ZNF385D: variants seen among roughly 807,000 people sequenced by gnomAD.
The protein encoded by ZNF385D is zinc finger protein 385D.
ZNF385D carries 15 observed loss-of-function variants against 35.8 expected under a neutral mutation model. That is an observed-to-expected ratio of 0.42 (90% confidence interval 0.28 to 0.64). ZNF385D has a LOEUF of 0.64. ZNF385D is among the 30% of genes least tolerant of loss of function. The pLI is 0.23. For synonymous variants in ZNF385D, 212 were observed against 186.8 expected (o/e 1.13, Z -1.10); for missense variants, 474 against 494.6 (o/e 0.96, Z 0.39).
At chr3:21,497,171 C>G (rs1216248120) in intron 4 of ZNF385D, among the ~76,000 whole-genome samples, 5 of 152,106 alleles carry the variant, frequency 3.3e-5, no homozygotes, top group African/African-American at 4.8e-5. Context: ...TGCCCAAAAG[C>G]TCCTAGATCT....
chr3:21,770,359 C>G (rs1171187500), intron 3 of ZNF385D, among the ~76,000 whole-genome samples: 1 of 152,032 alleles, frequency 6.6e-6, no homozygotes, highest in African/African-American at 2.4e-5. Context: ...GGCTAATATC[C>G]AGAATCTACA....
chr3:21,994,197 T>G (rs1695322311), intron 3 of ZNF385D, among the ~76,000 whole-genome samples: 1 of 152,166 alleles, frequency 6.6e-6, no homozygotes, highest in East Asian at 1.9e-4. Flanking sequence ...TAGGCTTTGG[T>G]GTTAGTTGGG....
Position 22,295,002 on chromosome 3 carries a change from CAT to C in ZNF385D, c.106+77446_106+77447del, listed in dbSNP as rs1243064660. On this transcript the variant is annotated intron_variant, in intron 2 of 5. Coordinates refer to the ZNF385D transcript ENST00000494108. ...ATCTATTTATACACACACTCACACA[CAT>C]GTTTCACTCTAGGATTATAATTGGC... 4.2e-3 allele frequency among the ~76,000 whole-genome samples: 634 copies of C among 152,206 alleles called. 4 individuals carry two copies. The highest frequency in any genetic ancestry group is 0.014 in the African/African-American group (599 of 41,554).
chr3:22,333,372 G>A (rs12107489), intron 2 of ZNF385D, among the ~76,000 whole-genome samples: 31,263 of 151,874 alleles, frequency 0.21, 3,621 homozygotes, highest in Non-Finnish European at 0.27. Context: ...ATATTTCACC[G>A]TACTCTTTTT....
chr3:21,810,322 A>C (rs1368712242), intron 3 of ZNF385D, among the ~76,000 whole-genome samples: 1 of 151,878 alleles, frequency 6.6e-6, no homozygotes, highest in East Asian at 1.9e-4. Context: ...GATAAAAAGA[A>C]AGATATCACC....
At chr3:22,166,694 C>A (rs555930288) in intron 3 of ZNF385D, among the ~76,000 whole-genome samples, 2 of 152,358 alleles carry the variant, frequency 1.3e-5, no homozygotes, top group East Asian at 3.9e-4. Flanking sequence ...TAAACTCATA[C>A]CTACTATCGT....
Position 21,621,888 on chromosome 3 carries a change from TGTGTGTGCGTGCACGCAC to T in ZNF385D, c.165+42980_165+42997del, listed in dbSNP as rs1327326551. On this transcript the variant is annotated intron_variant, in intron 2 of 7. Transcript: ENST00000281523. ...CACTGTGTGTGTGTGTGTGTGTGTG[TGTGTGTGCGTGCACGCAC>T]GTGTGTGCTTTCTTTGGAACTTAGT... Among the ~76,000 whole-genome samples the T allele has an allele frequency of 4.6e-5, 7 of 151,900 alleles. No homozygotes were observed. In the East Asian group the frequency reaches 1.2e-3, roughly 25 times the overall value.
chr3:21,919,640 G>C (rs1700357939), intron 3 of ZNF385D, among the ~76,000 whole-genome samples: 1 of 152,154 alleles, frequency 6.6e-6, no homozygotes, highest in Non-Finnish European at 1.5e-5. Flanking sequence ...AGGCAGACTA[G>C]AATTAGCTTT....
intron 3 of ZNF385D, among the ~76,000 whole-genome samples, chr3:21,909,584 C>T (rs1256292508): frequency 7.4e-6 from 1 of 135,932 alleles, no homozygotes; most frequent in Non-Finnish European, 1.7e-5. Context: ...CTGCTTCATT[C>T]TTATCATCTC....
At chr3:21,570,569 C>G (rs2063305285) in intron 2 of ZNF385D, among the ~76,000 whole-genome samples, 1 of 152,128 alleles carries the variant, frequency 6.6e-6, no homozygotes, top group Admixed American at 6.6e-5. Flanking sequence ...AAAAGGTTGT[C>G]TTTTTCATCT....
intron 3 of ZNF385D, among the ~76,000 whole-genome samples, chr3:21,815,916 G>A (rs1039993465): frequency 6.6e-6 from 1 of 152,074 alleles, no homozygotes; most frequent in South Asian, 2.1e-4. Context: ...GATGAACATC[G>A]ATGCAAAAAT....
chr3:21,961,521 A>C (rs1702590228), intron 3 of ZNF385D: 1 of 152,182 alleles, frequency 6.6e-6, no homozygotes, highest in Non-Finnish European at 1.5e-5. Context: ...ATCATGCAGG[A>C]AAAATTTCCT....
Position 21,441,239 on chromosome 3 carries a change from CAATG to C in ZNF385D, c.440-4040_440-4037del, listed in dbSNP as rs541530853. On this transcript the variant is annotated intron_variant, in intron 4 of 7. Transcript: ENST00000281523. ...GCACTCAATAAATATTAAGAGAAAA[CAATG>C]AATAAATTAATAATAGCTAATCATC... 2.1e-3 allele frequency among the ~76,000 whole-genome samples: 327 copies of C among 152,156 alleles called. 2 individuals carry two copies. Among genetic ancestry groups the C allele is most frequent in the African/African-American group, 7.4e-3 (307 of 41,512 alleles).
At chr3:21,745,084 C>T (rs1399798795) in intron 1 of ZNF385D, among the ~76,000 whole-genome samples, 4 of 152,086 alleles carry the variant, frequency 2.6e-5, no homozygotes, top group Non-Finnish European at 5.9e-5. Context: ...GATTAAACAA[C>T]ATTTATCCAT....
chr3:21,936,998 G>C (rs1437058040), intron 3 of ZNF385D, among the ~76,000 whole-genome samples: 2 of 152,100 alleles, frequency 1.3e-5, no homozygotes, highest in Non-Finnish European at 2.9e-5. Flanking sequence ...GGATATAAAA[G>C]GTTGTAATGT....
At chr3:22,329,900 T>G (rs1243792723) in intron 2 of ZNF385D, among the ~76,000 whole-genome samples, 1 of 152,230 alleles carries the variant, frequency 6.6e-6, no homozygotes, top group Non-Finnish European at 1.5e-5. Flanking sequence ...TGTTTTACAC[T>G]TATCGCACAT....
chr3:22,000,346 C>T (rs1171443717), intron 3 of ZNF385D, among the ~76,000 whole-genome samples: 8 of 152,068 alleles, frequency 5.3e-5, no homozygotes, highest in South Asian at 4.2e-4. Context: ...GTAGTTAAAC[C>T]GTCAAAGTGA....
Position 21,418,633 on chromosome 3 carries a change from T to C in ZNF385D, c.*2581A>G, listed in dbSNP as rs1298303528. ...GCAAATCATTAAAGACAGTAATGCC[T>C]TGTGACCCAGGACACTGTGTATCCC... is the stretch of plus-strand genomic sequence containing the variant. On this transcript the variant is annotated 3_prime_UTR_variant, in exon 8 of 8. Coordinates refer to ENST00000281523, the MANE Select transcript of ZNF385D (RefSeq NM_024697.3). The C allele has an allele frequency of 6.6e-6, 1 of 152,176 alleles. No homozygotes were observed. Among genetic ancestry groups the C allele is most frequent in the Non-Finnish European group, 1.5e-5 (1 of 68,016 alleles). 9.4% of individuals were successfully genotyped at this position (152,176 alleles called of 1,614,324 possible).
At chr3:21,695,333 A>T (rs2067432594) in intron 1 of ZNF385D, among the ~76,000 whole-genome samples, 1 of 152,134 alleles carries the variant, frequency 6.6e-6, no homozygotes, top group Admixed American at 6.5e-5. Flanking sequence ...GATTTTCGAG[A>T]GCTGAGAGAA....
Sources: allele counts gnomAD v4.1 joint callset (sites outside exome capture counted in the v4.1 genomes callset), GRCh38; gene constraint gnomAD v4.1.1; transcripts MANE v1.5; gene names NCBI Gene and HGNC (gene_info 2026-07-23, HGNC 2026-07-21).